KIF12: variants seen among roughly 807,000 people sequenced by gnomAD.
KIF12 encodes the protein kinesin family member 12.
KIF12 carries 80 observed loss-of-function variants against 87.9 expected under a neutral mutation model. That is an observed-to-expected ratio of 0.91 (90% CI 0.76 to 1.10). The LOEUF is 1.10. KIF12 is among the 50% of genes least tolerant of loss of function. The pLI, the probability that KIF12 is intolerant of heterozygous loss-of-function variation, is 0.00. For missense variants in KIF12, 819 were observed against 865.3 expected, an observed-to-expected ratio of 0.95 and a Z score of 0.67; for synonymous variants, 353 against 348.5, an observed-to-expected ratio of 1.01 and a Z score of -0.14.
chr9:114,097,277 A>G, intron 7 of KIF12, 24 bp downstream of exon 7: 1 of 1,602,686 alleles, frequency 6.2e-7, no homozygotes, highest in Non-Finnish European at 8.5e-7. Flanking sequence ...CCTACCCGCA[A>G]AACTCCCCGC....
chr9:114,095,810 A>G (rs1348163218), intron 9 of KIF12, among the ~76,000 whole-genome samples: 2 of 152,182 alleles, frequency 1.3e-5, no homozygotes, highest in African/African-American at 4.8e-5. Context: ...GAGTGGTTCT[A>G]TTTCCCAAAT....
At chr9:114,098,844 G>A in intron 3 of KIF12, 91 bp downstream of exon 3, 5 of 1,424,050 alleles carry the variant, frequency 3.5e-6, no homozygotes, top group Non-Finnish European at 4.7e-6. Flanking sequence ...CACTCCGGGG[G>A]AGCGCGGGGC....
At chr9:114,093,153 C>T in intron 16 of KIF12, 76 bp downstream of exon 16, 1 of 1,337,816 alleles carries the variant, frequency 7.5e-7, no homozygotes, top group Non-Finnish European at 1.0e-6. Flanking sequence ...ATCCCTGGGG[C>T]TCTGGATTGA....
At position 114,095,139 on chromosome 9, in the gene KIF12, A is replaced by G; in HGVS notation, c.1015-12T>C. On this transcript the variant is annotated splice_polypyrimidine_tract_variant and intron_variant, in intron 10 of 18. Transcript: ENST00000640217. ...GACACGCAGGCCACCTGGGGAGTGC[A>G]CTCCCCCTGAGCGCTCCTCTCTGAG... 1.9e-6 allele frequency: 3 copies of G among 1,605,010 alleles called. No homozygotes were observed. The highest frequency in any genetic ancestry group is 2.6e-6 in the Non-Finnish European group (3 of 1,175,800).
chr9:114,097,241 CAG>C, intron 7 of KIF12, 58 bp downstream of exon 7: 1 of 1,573,364 alleles, frequency 6.4e-7, no homozygotes, highest in Non-Finnish European at 8.6e-7. Context: ...AGTCCACACT[CAG>C]TGAACAACTG....
intron 14 of KIF12, among the ~76,000 whole-genome samples, 170 bp from the exon 15 acceptor site, chr9:114,093,667 G>A (rs568532805): frequency 1.3e-4 from 20 of 152,322 alleles, no homozygotes; most frequent in African/African-American, 4.6e-4. Context: ...AAGCCTATAA[G>A]TAGGCACGAC....
chr9:114,096,387 A>G lies in KIF12; in HGVS notation c.738T>C (p.Thr246=). The G allele has an allele frequency of 6.2e-7, 1 of 1,612,384 alleles. No individual in the cohort carries two copies. Among genetic ancestry groups the G allele is most frequent in the African/African-American group, 1.3e-5 (1 of 75,020 alleles). Residue 246 remains threonine (T), a splice_region_variant and synonymous_variant, in exon 8 of 19, where the codon ACT becomes ACC. Coordinates refer to ENST00000640217, the MANE Select transcript of KIF12 (RefSeq NM_001388308.1). ...CACCTTCCCAGGCTGGAGCACTCAC[A>G]GTTTGACGGCTGATGTAAAGGGTGA... ...ALLTLYISRQ[T]AQQMPSVDPG...
At chr9:114,098,501 TGGA>T (rs72383355) in intron 3 of KIF12, 72 bp from the exon 4 acceptor site, 180,272 of 762,376 alleles carry the variant, frequency 0.24, 27,706 homozygotes, top group African/African-American at 0.47. Flanking sequence ...CGGGGCACCG[TGGA>T]GGAGGGCGGG....
At position 114,096,207 on chromosome 9, in the gene KIF12, C is replaced by A. The variant is rs1249872726; in HGVS notation, c.739G>T (p.Ala247Ser). 3 of 1,613,528 alleles carry A rather than the reference C, an allele frequency of 1.9e-6. No homozygotes were observed. Among genetic ancestry groups the A allele is most frequent in the Non-Finnish European group, 2.5e-6 (3 of 1,179,836 alleles). Residue 247 changes from alanine (A) to serine (S), a missense_variant and splice_region_variant, in exon 9 of 19, where the codon GCC becomes TCC. Physicochemically the swap from Ala to Ser is moderately conservative, Grantham distance 99 (BLOSUM62 1). Coordinates refer to ENST00000640217, the MANE Select transcript of KIF12 (RefSeq NM_001388308.1). The part of the protein sequence containing the change: ...LLTLYISRQT[A>S]QQMPSVDPGE... ...GGGTCCACAGAAGGCATCTGCTGGG[C>A]CTGAGGGATCAGAGCTTCATGGGGA... is the stretch of plus-strand genomic sequence containing the variant.
chr9:114,096,627 G>T (rs991805416), intron 7 of KIF12, 149 bp from the exon 8 acceptor site: 6 of 685,242 alleles, frequency 8.8e-6, no homozygotes, highest in Non-Finnish European at 1.6e-5. Context: ...GGGAACGATG[G>T]GATGTTGGGC....
chr9:114,092,380 G>A lies in KIF12; in HGVS notation c.1769C>T (p.Ala590Val), dbSNP rs1252995226. Residue 590 changes from alanine (A) to valine (V), a missense_variant, in exon 18 of 19, where the codon GCA becomes GTA. Physicochemically the swap from Ala to Val is moderately conservative, Grantham distance 64. Transcript: ENST00000640217. ...CGGGGGCCTCACAGGCAGGGGAGGT[G>A]CAGAAGGTACCACCTCCTCCTCCGT... ...MLTEEEVVPS[A>V]PPLPVRPPKT... 2.5e-6 allele frequency: 4 copies of A among 1,611,446 alleles called. No individual in the cohort carries two copies. Among genetic ancestry groups the A allele is most frequent in the South Asian group, 1.1e-5 (1 of 90,748 alleles).
chr9:114,097,375 CGAGTCTTGTTCCAGCGAACAGG>C lies in KIF12; in HGVS notation c.550_571del (p.Pro184GlyfsTer19). ...CCGCAGCTGCTCCACATAGAAGCCC[CGAGTCTTGTTCCAGCGAACAGG>C]GAGGGGCCGGGGAGACCCCAGGCTC... On this transcript the variant is annotated frameshift_variant, in exon 7 of 19. Coordinates refer to ENST00000640217, the MANE Select transcript of KIF12 (RefSeq NM_001388308.1). LOFTEE classifies it high-confidence loss of function. The C allele has an allele frequency of 6.2e-7, 1 of 1,608,788 alleles. No individual in the cohort carries two copies. Among genetic ancestry groups the C allele is most frequent in the Non-Finnish European group, 8.5e-7 (1 of 1,178,818 alleles).
At position 114,093,938 on chromosome 9, in the gene KIF12, G is replaced by A; in HGVS notation, c.1348C>T (p.Leu450=). The change falls in exon 14 of 19, where the codon CTG becomes TTG. Residue 450 remains leucine, a synonymous_variant. Transcript: ENST00000640217. ...EKSQLQNSRD[L]AQNEQRILAQ... ...AGGATGCGCTGCTCATTCTGGGCCAGGTCTCGGCTATTCTGCAGCTGGCTC... is the reference window on the plus strand; with the variant it reads ...AGGATGCGCTGCTCATTCTGGGCCAAGTCTCGGCTATTCTGCAGCTGGCTC... 1 of 1,614,170 alleles carries A rather than the reference G, an allele frequency of 6.2e-7. No individual in the cohort carries two copies. Among genetic ancestry groups the A allele is most frequent in the South Asian group, 1.1e-5 (1 of 91,078 alleles).
At position 114,096,215 on chromosome 9, in the gene KIF12, A is replaced by G. The variant is rs746402976; in HGVS notation, c.739-8T>C. The G allele has an allele frequency of 6.2e-6, 10 of 1,613,564 alleles. No individual in the cohort carries two copies. The South Asian group carries it at 9.9e-5, about 16-fold the overall frequency. On this transcript the variant is annotated splice_polypyrimidine_tract_variant and splice_region_variant and intron_variant, in intron 8 of 18. Transcript: ENST00000640217. ...AGAAGGCATCTGCTGGGCCTGAGGG[A>G]TCAGAGCTTCATGGGGACTTGGGAG...
rs989939461 is a variant in KIF12, at chr9:114,095,455, T to A, written c.896-123A>T. On this transcript the variant is annotated intron_variant, in intron 9 of 18. Coordinates refer to ENST00000640217, the MANE Select transcript of KIF12 (RefSeq NM_001388308.1). ...TGCCCTAAAAACCCATCTTTCCACA[T>A]GATCTCATGACTCAGTCAGATTGGT... 48 of 1,023,506 alleles carry A rather than the reference T, an allele frequency of 4.7e-5. No homozygotes were observed. The African/African-American group carries it at 7.7e-4, about 16-fold the overall frequency. 63.4% of individuals were successfully genotyped at this position (1,023,506 alleles called of 1,614,324 possible).
intron 5 of KIF12, 109 bp downstream of exon 5, chr9:114,098,006 C>A (rs1314109204): frequency 1.8e-6 from 2 of 1,136,398 alleles, no homozygotes; most frequent in Non-Finnish European, 2.5e-6. Context: ...GCGGGTCAGG[C>A]GGCGTCGTCC....
chr9:114,098,521 G>GGGAGGAGGGCGGGGCACTCT (rs1554777292), intron 3 of KIF12, 92 bp from the exon 4 acceptor site: 24,406 of 762,398 alleles, frequency 0.032, 1,939 homozygotes, highest in Middle Eastern at 0.074. Flanking sequence ...CGGGGCACGC[G>GGGAGGAGGGCGGGGCACTCT]GGAGGAGGGC....
Position 114,091,929 on chromosome 9 carries a change from G to C in KIF12, c.1888C>G (p.Arg630Gly), listed in dbSNP as rs145530814. ...LRDQIGSSLR[R>G]GRSQPPCSEG... Reference sequence around the variant, plus strand: ...CTGCAGGGTGGCTGGCTGCGGCCACGTCGCAGGGAGCTGCCAATCTGGTCT... The same window carrying C: ...CTGCAGGGTGGCTGGCTGCGGCCACCTCGCAGGGAGCTGCCAATCTGGTCT... The change falls in exon 19 of 19, where the codon CGT becomes GGT. Residue 630 changes from arginine to glycine, a missense_variant. By Grantham distance (125) the Arg-to-Gly change is moderately radical (BLOSUM62 -2). Transcript: ENST00000640217. 1.2e-6 allele frequency: 2 copies of C among 1,612,394 alleles called. No homozygotes were observed. The highest frequency in any genetic ancestry group is 2.7e-5 in the African/African-American group (2 of 74,908).
intron 3 of KIF12, 39 bp from the exon 4 acceptor site, chr9:114,098,468 G>GAGGGCGGGGCACTCTGGAGA: frequency 3.4e-6 from 5 of 1,454,034 alleles, no homozygotes; most frequent in Non-Finnish European, 4.5e-6. Context: ...CACTCTGGAG[G>GAGGGCGGGGCACTCTGGAGA]AGGGCGGGGC....
Sources: allele counts gnomAD v4.1 joint callset (sites outside exome capture counted in the v4.1 genomes callset), GRCh38; gene constraint gnomAD v4.1.1; transcripts MANE v1.5; gene names NCBI Gene and HGNC (gene_info 2026-07-23, HGNC 2026-07-21).